ERI3: variants seen among roughly 807,000 people sequenced by gnomAD.
ERI3 encodes ERI1 exoribonuclease 3.
A neutral mutation model predicts 44.4 loss-of-function variants in ERI3; 18 were observed. That is an observed-to-expected ratio of 0.41 (90% CI 0.28 to 0.60). ERI3 has a LOEUF of 0.60. Ranked by LOEUF, ERI3 falls within the 20% of genes least tolerant of loss-of-function variation. ERI3 has a pLI of 0.36. For missense variants in ERI3, 294 were observed against 435.5 expected (o/e 0.68, Z 2.89); for synonymous variants, 183 against 164.8 (o/e 1.11, Z -0.84).
chr1:44,241,026 T>C lies in ERI3; in HGVS notation c.931+6913A>G, dbSNP rs553990957. 1.3e-5 allele frequency among the ~76,000 whole-genome samples: 2 copies of C among 152,278 alleles called. No homozygotes were observed. The highest frequency in any genetic ancestry group is 2.1e-4 in the South Asian group (1 of 4,822). ...GCAGGGCTGGCCCATGAAGTGTGGATTGTCCCATGAGTACTGTGGGCCTGA... is the reference window on the plus strand; with the variant it reads ...GCAGGGCTGGCCCATGAAGTGTGGACTGTCCCATGAGTACTGTGGGCCTGA... On this transcript the variant is annotated intron_variant, in intron 8 of 8. Coordinates refer to ENST00000372257, the MANE Select transcript of ERI3 (RefSeq NM_024066.3). This position sits in a 1 kb window ranked among gnomAD's most constrained non-coding sequence, Gnocchi z 5.6.
At chr1:44,230,976 A>C (rs1229992252) in intron 8 of ERI3, among the ~76,000 whole-genome samples, 1 of 152,180 alleles carries the variant, frequency 6.6e-6, no homozygotes, top group Non-Finnish European at 1.5e-5. Flanking sequence ...GAGTGTTTTG[A>C]ATTTTGAATT....
At chr1:44,292,531 G>T (rs188916002) in intron 6 of ERI3, among the ~76,000 whole-genome samples, 1 of 152,294 alleles carries the variant, frequency 6.6e-6, no homozygotes, top group East Asian at 1.9e-4. Context: ...ACACAGAATG[G>T]TCACTGCAGG....
rs776470793 is a variant in ERI3, at chr1:44,308,296, CT to C, written c.758+13del. The stretch of plus-strand genomic sequence containing the variant: ...TCCAAGCCCTGCCAGCAAAGCAGCC[CT>C]TCTCATACTCACATGACTTTTAAGT... On this transcript the variant is annotated intron_variant, in intron 6 of 8. Transcript: ENST00000372257. The C allele has an allele frequency of 1.3e-6, 2 of 1,599,360 alleles. No homozygotes were observed. The highest frequency in any genetic ancestry group is 4.5e-5 in the East Asian group (2 of 44,806).
chr1:44,322,652 C>T lies in ERI3; in HGVS notation c.490-2908G>A. 4 of 1,475,694 alleles carry T rather than the reference C, an allele frequency of 2.7e-6. No homozygotes were observed. The South Asian group carries it at 5.7e-5, about 21-fold the overall frequency. 91.4% of individuals were successfully genotyped at this position (1,475,694 alleles called of 1,614,324 possible). On this transcript the variant is annotated intron_variant, in intron 3 of 8. Coordinates refer to ENST00000372257, the MANE Select transcript of ERI3 (RefSeq NM_024066.3). ...ATATTCACTTGAGCTACTGAGGATG[C>T]AAAAGAGAAGCTTCTGAGAAAAGAC... is the stretch of plus-strand genomic sequence containing the variant.
At chr1:44,322,910 AAC>A in intron 3 of ERI3, 1 of 1,522,028 alleles carries the variant, frequency 6.6e-7, no homozygotes, top group Non-Finnish European at 8.8e-7. Flanking sequence ...ATGGAACCCC[AAC>A]ACTACAGGTT....
chr1:44,262,421 C>T (rs1644912607), intron 7 of ERI3, among the ~76,000 whole-genome samples: 1 of 152,198 alleles, frequency 6.6e-6, no homozygotes, highest in Non-Finnish European at 1.5e-5. Context: ...TTTATATTAC[C>T]CTGTAGAGAT....
intron 7 of ERI3, among the ~76,000 whole-genome samples, chr1:44,272,267 C>T (rs565108292): frequency 6.6e-6 from 1 of 152,286 alleles, no homozygotes; most frequent in East Asian, 1.9e-4. Flanking sequence ...CTACTTGACT[C>T]CAGAGCCTAA....
intron 7 of ERI3, among the ~76,000 whole-genome samples, chr1:44,267,445 C>T (rs1310960314): frequency 6.6e-6 from 1 of 152,112 alleles, no homozygotes; most frequent in African/African-American, 2.4e-5. Context: ...TTCCCTCAAG[C>T]CATAAAAATA....
chr1:44,304,774 T>C (rs80235705), intron 6 of ERI3, among the ~76,000 whole-genome samples: 1 of 152,174 alleles, frequency 6.6e-6, no homozygotes, highest in Non-Finnish European at 1.5e-5. Context: ...GCAAGTATCT[T>C]TCCATCTCCA....
At chr1:44,239,054 C>T (rs1644375685) in intron 8 of ERI3, among the ~76,000 whole-genome samples, 1 of 146,864 alleles carries the variant, frequency 6.8e-6, no homozygotes, top group Non-Finnish European at 1.5e-5. Flanking sequence ...CCAGCTTCCT[C>T]CCACTCCCTG....
intron 8 of ERI3, among the ~76,000 whole-genome samples, chr1:44,236,393 T>C (rs528271811): frequency 2.0e-5 from 3 of 152,322 alleles, no homozygotes; most frequent in African/African-American, 7.2e-5. Flanking sequence ...AATAATTTCT[T>C]AATTACAACT....
At chr1:44,306,070 G>A (rs1035339759) in intron 6 of ERI3, among the ~76,000 whole-genome samples, 1 of 152,158 alleles carries the variant, frequency 6.6e-6, no homozygotes, top group Non-Finnish European at 1.5e-5. Context: ...TTTCCTCTCC[G>A]GCTGTTTTTA....
intron 1 of ERI3, 175 bp from the exon 2 acceptor site, chr1:44,353,100 AT>A: frequency 1.0e-6 from 1 of 985,380 alleles, no homozygotes; most frequent in Non-Finnish European, 1.2e-6. Flanking sequence ...ATTTGTAATG[AT>A]TTTCATGTTC....
At chr1:44,324,249 G>A (rs1190352675) in intron 3 of ERI3, among the ~76,000 whole-genome samples, 4 of 152,146 alleles carry the variant, frequency 2.6e-5, no homozygotes, top group Admixed American at 6.5e-5. Context: ...AAAACTCTCC[G>A]CAGAATCAGA....
At position 44,287,067 on chromosome 1, in the gene ERI3, T is replaced by G. The variant is rs533434422; in HGVS notation, c.759-2160A>C. 5.5e-4 allele frequency among the ~76,000 whole-genome samples: 83 copies of G among 152,208 alleles called. 1 individual carries two copies. The highest frequency in any genetic ancestry group is 9.3e-4 in the Non-Finnish European group (63 of 68,042). On this transcript the variant is annotated intron_variant, in intron 6 of 8. Coordinates refer to ENST00000372257, the MANE Select transcript of ERI3 (RefSeq NM_024066.3). Reference sequence around the variant, plus strand: ...ACTGTGATAAAAGCATGCTTCCCCTTTCTGCAATATATAGAAATGATTTTT... The same window carrying G: ...ACTGTGATAAAAGCATGCTTCCCCTGTCTGCAATATATAGAAATGATTTTT...
intron 4 of ERI3, among the ~76,000 whole-genome samples, chr1:44,316,427 G>A (rs1646089555): frequency 6.6e-6 from 1 of 152,140 alleles, no homozygotes; most frequent in African/African-American, 2.4e-5. Flanking sequence ...CTGATAACAT[G>A]GCTGGTTACT....
intron 1 of ERI3, chr1:44,353,435 G>T: frequency 2.0e-6 from 2 of 985,412 alleles, no homozygotes; most frequent in Non-Finnish European, 2.4e-6. Context: ...AACATCAATA[G>T]ATACCTATCA....
At chr1:44,222,518 A>G (rs1643925380) in intron 8 of ERI3, among the ~76,000 whole-genome samples, 1 of 152,216 alleles carries the variant, frequency 6.6e-6, no homozygotes, top group African/African-American at 2.4e-5. Context: ...CAACTGTCCT[A>G]GAACCCTGGA....
At chr1:44,342,218 G>A (rs1467198138) in intron 2 of ERI3, among the ~76,000 whole-genome samples, 1 of 152,136 alleles carries the variant, frequency 6.6e-6, no homozygotes, top group Non-Finnish European at 1.5e-5. Flanking sequence ...GGGAAGGTGT[G>A]GTGCAGCATG....
Sources: gnomAD v4.1 joint callset for allele counts (sites outside exome capture counted in the v4.1 genomes callset) on GRCh38, gnomAD v4.1.1 for gene constraint, Gnocchi (gnomAD v3.1) non-coding constraint, MANE v1.5 for transcripts, NCBI Gene and HGNC (gene_info 2026-07-23, HGNC 2026-07-21) for gene names.